Variants in FRYL observed in about 807,000 individuals in gnomAD.
FRYL encodes the protein FRY like transcription coactivator, also known as protein furry homolog-like.
A neutral mutation model predicts 351.2 loss-of-function variants in FRYL; 150 were observed. The ratio of observed to expected loss-of-function variants is 0.43; its 90% CI spans 0.37 to 0.49. The LOEUF (loss-of-function observed/expected upper bound fraction) is 0.49. FRYL is among the 20% of genes least tolerant of loss of function. The pLI is 0.00. For synonymous variants in FRYL, 1,153 were observed against 1,257.1 expected, an observed-to-expected ratio of 0.92 and a Z score of 1.75; for missense variants, 3,036 against 3,619.3, an observed-to-expected ratio of 0.84 and a Z score of 4.13.
At chr4:48,573,664 C>G (rs190677483) in intron 25 of FRYL, among the ~76,000 whole-genome samples, 5 of 152,258 alleles carry the variant, frequency 3.3e-5, no homozygotes, top group Non-Finnish European at 2.9e-5. Flanking sequence ...ATTCTCCTGC[C>G]TCAGCCTCCT....
rs543852700 is a variant in FRYL, at chr4:48,720,842, A to T, written c.-383-10144T>A. 6.6e-5 allele frequency among the ~76,000 whole-genome samples: 10 copies of T among 152,380 alleles called. No homozygotes were observed. In the South Asian group the frequency reaches 2.1e-3, roughly 32 times the overall value. ...TTCCGTAAGAACTCCAAAACCACAC[A>T]GGGACACAGTTTAAACATACTCTAG... On this transcript the variant is annotated intron_variant, in intron 1 of 63. Coordinates refer to ENST00000358350, the MANE Select transcript of FRYL (RefSeq NM_015030.2).
chr4:48,609,812 A>C lies in FRYL; in HGVS notation c.423T>G (p.His141Gln). 6.3e-7 allele frequency: 1 copy of C among 1,583,238 alleles called. No homozygotes were observed. The highest frequency in any genetic ancestry group is 8.6e-7 in the Non-Finnish European group (1 of 1,160,948). The stretch of plus-strand genomic sequence containing the variant: ...CATGAACTAAGGGATCGGGTACAGG[A>C]TGAACAGGAATCTAGAATTTAAAAA... ...LVEVLKQIPV[H>Q]PVPDPLVHEV... is the part of the protein sequence containing the mutation. The change falls in exon 8 of 64, where the codon CAT becomes CAG. Residue 141 changes from histidine to glutamine, a missense_variant. Transcript: ENST00000358350.
At chr4:48,636,248 G>T (rs1220668237) in intron 3 of FRYL, among the ~76,000 whole-genome samples, 1 of 152,046 alleles carries the variant, frequency 6.6e-6, no homozygotes, top group Non-Finnish European at 1.5e-5. Flanking sequence ...AAATGTCATT[G>T]TGGAAGAAAG....
chr4:48,557,741 T>C (rs1422081740), intron 33 of FRYL, 29 bp from the exon 34 acceptor site: 4 of 1,608,380 alleles, frequency 2.5e-6, no homozygotes, highest in Non-Finnish European at 1.7e-6. Context: ...CAAAGATAAC[T>C]GATGTAATTT....
intron 2 of FRYL, among the ~76,000 whole-genome samples, chr4:48,705,637 C>T (rs1192382565): frequency 1.3e-5 from 2 of 149,822 alleles, no homozygotes; most frequent in African/African-American, 4.9e-5. Context: ...AACCATAAAA[C>T]TATTATACAT....
chr4:48,601,967 AAAC>A, intron 13 of FRYL, 50 bp downstream of exon 13: 1 of 1,067,110 alleles, frequency 9.4e-7, no homozygotes, highest in Non-Finnish European at 1.4e-6. Context: ...TTATATGCAT[AAAC>A]AAAATATACC....
At chr4:48,511,257 C>G (rs1466765265) in intron 57 of FRYL, among the ~76,000 whole-genome samples, 1 of 152,102 alleles carries the variant, frequency 6.6e-6, no homozygotes, top group East Asian at 1.9e-4. Context: ...AGGGGGCAGA[C>G]AGATGGATGC....
At chr4:48,728,848 G>C (rs542524670) in intron 1 of FRYL, among the ~76,000 whole-genome samples, 1 of 152,212 alleles carries the variant, frequency 6.6e-6, no homozygotes, top group Non-Finnish European at 1.5e-5. Context: ...TGAGGTACCT[G>C]GTACATCTCA....
intron 3 of FRYL, among the ~76,000 whole-genome samples, chr4:48,670,874 TC>T: frequency 6.6e-6 from 1 of 152,224 alleles, no homozygotes; most frequent in East Asian, 1.9e-4. Flanking sequence ...TGCTTCCAAA[TC>T]TCGGCTGTTG....
In FRYL at chr4:48,542,136, G is replaced by T. The variant is rs1487048207; in HGVS notation, c.5593-15C>A. 1 of 1,578,952 alleles carries T rather than the reference G, an allele frequency of 6.3e-7. No homozygotes were observed. Among genetic ancestry groups the T allele is most frequent in the South Asian group, 1.1e-5 (1 of 90,302 alleles). On this transcript the variant is annotated splice_polypyrimidine_tract_variant and intron_variant, in intron 44 of 63. Coordinates refer to ENST00000358350, the MANE Select transcript of FRYL (RefSeq NM_015030.2). ...ATCACAAATCCCTGGGGGGAAAAAG[G>T]CAGATTTTAATTAATTATGCTCTGG... is the stretch of plus-strand genomic sequence containing the variant.
intron 46 of FRYL, 80 bp from the exon 47 acceptor site, chr4:48,540,148 T>A (rs1449726764): frequency 8.1e-7 from 1 of 1,237,638 alleles, no homozygotes; most frequent in East Asian, 2.5e-5. Context: ...TTTTAGATGG[T>A]TCACAGAAAC....
rs770002770 is a variant in FRYL, at chr4:48,521,211, T to C, written c.7526A>G (p.Asn2509Ser). 1 of 1,601,256 alleles carries C rather than the reference T, an allele frequency of 6.2e-7. No individual in the cohort carries two copies. The highest frequency in any genetic ancestry group is 8.5e-7 in the Non-Finnish European group (1 of 1,173,034). The change falls in exon 55 of 64, where the codon AAC (asparagine) becomes AGC (serine). Residue 2509 changes from asparagine to serine, a missense_variant. Asn to Ser is a conservative substitution (Grantham distance 46, BLOSUM62 1). Around this residue, in one of 7 missense-constraint regions of FRYL, gnomAD observed 1,987 missense variants for 2,311.7 expected, o/e 0.86. Coordinates refer to ENST00000358350, the MANE Select transcript of FRYL (RefSeq NM_015030.2). ...TGTTTCATCAGTGGCAGAATCACTG[T>C]TTAACTAAAAAGAGAAAGAGTAAAA... Reference protein sequence around the residue: ...SQILSRTQMLNSDSATDETIP... With the variant: ...SQILSRTQMLSSDSATDETIP...
intron 6 of FRYL, 151 bp downstream of exon 6, chr4:48,620,488 C>G: frequency 2.7e-6 from 2 of 737,452 alleles, no homozygotes; most frequent in Non-Finnish European, 4.4e-6. Context: ...TATGTGTGAA[C>G]TATCCTTCTC....
At chr4:48,544,423 T>C (rs1233597915) in intron 43 of FRYL, among the ~76,000 whole-genome samples, 4 of 152,188 alleles carry the variant, frequency 2.6e-5, no homozygotes, top group Non-Finnish European at 4.4e-5. Flanking sequence ...AATTTGACTA[T>C]GATTTTCAGA....
At position 48,563,006 on chromosome 4, in the gene FRYL, A is replaced by G; in HGVS notation, c.3597-18T>C. ...GATAATCCCTAGGAATAAATTTTACATATTAAGTAAATAACAATGTTTAGA... is the reference window on the plus strand; with the variant it reads ...GATAATCCCTAGGAATAAATTTTACGTATTAAGTAAATAACAATGTTTAGA... On this transcript the variant is annotated intron_variant, in intron 31 of 63. Transcript: ENST00000358350. 2 of 1,411,284 alleles carry G rather than the reference A, an allele frequency of 1.4e-6. No individual in the cohort carries two copies. The highest frequency in any genetic ancestry group is 1.4e-5 in the African/African-American group (1 of 70,286). The allele number at this position is 1,411,284 out of a possible 1,614,324, so 87.4% of individuals were successfully genotyped here. A position where few individuals can be genotyped will look rare whatever the true frequency, so the allele number is the denominator to read the frequency against.
chr4:48,534,772 CAT>C, intron 48 of FRYL, 87 bp from the exon 49 acceptor site: 4 of 809,660 alleles, frequency 4.9e-6, no homozygotes, highest in Non-Finnish European at 7.7e-6. Context: ...GGTTGGAAAA[CAT>C]AGATTTAGCC....
intron 1 of FRYL, among the ~76,000 whole-genome samples, chr4:48,711,788 C>G (rs1000415274): frequency 3.3e-5 from 5 of 152,220 alleles, no homozygotes; most frequent in African/African-American, 1.2e-4. Context: ...ACCCCTGACC[C>G]CCCGAGCAGT....
At chr4:48,686,098 T>C (rs1361888422) in intron 2 of FRYL, among the ~76,000 whole-genome samples, 1 of 152,196 alleles carries the variant, frequency 6.6e-6, no homozygotes, top group African/African-American at 2.4e-5. Flanking sequence ...GCATTGAAAC[T>C]CAAATTAGCC....
intron 3 of FRYL, among the ~76,000 whole-genome samples, chr4:48,681,484 T>C (rs1228209137): frequency 6.6e-6 from 1 of 152,182 alleles, no homozygotes; most frequent in Non-Finnish European, 1.5e-5. Flanking sequence ...AAGAGAAATT[T>C]ACTTTGGCCT....
Sources: allele counts gnomAD v4.1 joint callset (sites outside exome capture counted in the v4.1 genomes callset), GRCh38; gene constraint gnomAD v4.1.1; regional missense constraint gnomAD v4.1.1; transcripts MANE v1.5; gene names NCBI Gene and HGNC (gene_info 2026-07-23, HGNC 2026-07-21).